The following TULP4 variants were observed in gnomAD, a reference collection of about 807,000 sequenced individuals.
TULP4 encodes the protein TUB like protein 4.
Under a neutral mutation model 129.0 loss-of-function variants are expected in TULP4, and 16 were observed. The ratio of observed to expected loss-of-function variants is 0.12; its 90% CI spans 0.08 to 0.19. The LOEUF (loss-of-function observed/expected upper bound fraction) is 0.19. Ranked by LOEUF, TULP4 falls within the 10% of genes least tolerant of loss-of-function variation. The pLI is 1.00. For synonymous variants in TULP4, 998 were observed against 854.0 expected (o/e 1.17, Z -2.94); for missense variants, 1,842 against 2,059.1 (o/e 0.89, Z 2.04).
chr6:158,348,768 G>A (rs1780382925), intron 1 of TULP4, among the ~76,000 whole-genome samples: 1 of 151,304 alleles, frequency 6.6e-6, no homozygotes, highest in Non-Finnish European at 1.5e-5. Context: ...GGGCAGCTGG[G>A]CAGAGGCGCT....
intron 3 of TULP4, among the ~76,000 whole-genome samples, chr6:158,434,902 T>G (rs1159678465): frequency 1.3e-5 from 2 of 152,196 alleles, no homozygotes; most frequent in Non-Finnish European, 2.9e-5. Context: ...AACTTCTGAA[T>G]GAAAGTTACC....
rs1229743903 is a variant in TULP4 at position 158,502,670 on chromosome 6, G to A, written c.3007G>A (p.Asp1003Asn). The A allele has an allele frequency of 3.8e-6, 6 of 1,560,558 alleles. No individual in the cohort carries two copies. Among genetic ancestry groups the A allele is most frequent in the Admixed American group, 1.7e-5 (1 of 57,162 alleles). Residue 1003 changes from aspartate (D) to asparagine (N), a missense_variant, in exon 13 of 14, where the codon GAC becomes AAC. Asp to Asn is a conservative substitution (Grantham distance 23, BLOSUM62 1). Around this residue, in one of 5 missense-constraint regions of TULP4, gnomAD observed 1,089 missense variants for 987.1 expected, o/e 1.10. Transcript: ENST00000367097. The stretch of plus-strand genomic sequence containing the variant: ...TACGCTCAAGATGGCCCAGCTGGCC[G>A]ACAGCCCGCGGGCCCCCCTGCAGCC... ...EATLKMAQLA[D>N]SPRAPLQPLA...
At chr6:158,425,378 T>G (rs1232684908) in intron 2 of TULP4, among the ~76,000 whole-genome samples, 2 of 150,984 alleles carry the variant, frequency 1.3e-5, no homozygotes, top group African/African-American at 2.4e-5. Context: ...CCAGGTATGG[T>G]AGCAGGCGCC....
At chr6:158,257,419 A>G (rs1485309701) in intron 1 of TULP4, among the ~76,000 whole-genome samples, 1 of 152,212 alleles carries the variant, frequency 6.6e-6, no homozygotes, top group Non-Finnish European at 1.5e-5. Flanking sequence ...GTGGTAAAAT[A>G]TACATAACAA....
At chr6:158,247,968 A>G (rs1562493834) in intron 1 of TULP4, among the ~76,000 whole-genome samples, 1 of 152,234 alleles carries the variant, frequency 6.6e-6, no homozygotes, top group Admixed American at 6.5e-5. Context: ...CCGGAGGCAC[A>G]AATTCAGCTC....
chr6:158,439,946 C>T (rs1056695739), intron 3 of TULP4, among the ~76,000 whole-genome samples: 5 of 151,274 alleles, frequency 3.3e-5, no homozygotes, highest in East Asian at 2.0e-4. Flanking sequence ...CTCCTGACCT[C>T]GTGATCTGCC....
chr6:158,376,193 T>G (rs1777184854), intron 1 of TULP4, among the ~76,000 whole-genome samples: 1 of 152,168 alleles, frequency 6.6e-6, no homozygotes, highest in Admixed American at 6.5e-5. Context: ...CTCAGTTACT[T>G]AAAAAAGCGG....
chr6:158,409,034 T>C (rs1778027552), intron 1 of TULP4, among the ~76,000 whole-genome samples: 1 of 152,212 alleles, frequency 6.6e-6, no homozygotes, highest in Non-Finnish European at 1.5e-5. Context: ...TTCCCTGAGA[T>C]GGCTTCTTGT....
chr6:158,253,215 T>A (rs1778176651), intron 1 of TULP4, among the ~76,000 whole-genome samples: 1 of 152,234 alleles, frequency 6.6e-6, no homozygotes, highest in African/African-American at 2.4e-5. Flanking sequence ...TTTTTAAGTC[T>A]AGGAGAGAAA....
intron 1 of TULP4, among the ~76,000 whole-genome samples, chr6:158,328,082 GTGT>G (rs1779786596): frequency 1.1e-4 from 3 of 27,618 alleles, no homozygotes; most frequent in Non-Finnish European, 2.3e-4. Flanking sequence ...CAGAGCTGGT[GTGT>G]GTGTGTGTGT....
intron 1 of TULP4, among the ~76,000 whole-genome samples, chr6:158,378,785 A>G (rs2114906518): frequency 6.6e-6 from 1 of 151,334 alleles, no homozygotes; most frequent in East Asian, 2.0e-4. Context: ...GCGCCTGGCC[A>G]GGGGAGCCAG....
chr6:158,277,939 G>T (rs1159903536), upstream of TULP4, among the ~76,000 whole-genome samples: 1 of 152,154 alleles, frequency 6.6e-6, no homozygotes, highest in Non-Finnish European at 1.5e-5. Context: ...CACTCAGAGA[G>T]CATCATATCA....
At chr6:158,412,969 T>C in intron 1 of TULP4, 96 bp from the exon 2 acceptor site, 1 of 1,476,796 alleles carries the variant, frequency 6.8e-7, no homozygotes, top group East Asian at 2.3e-5. Context: ...CTTTATTGAC[T>C]GCATTCTAAT....
At chr6:158,435,491 A>G (rs764915041) in intron 3 of TULP4, among the ~76,000 whole-genome samples, 25 of 151,444 alleles carry the variant, frequency 1.7e-4, no homozygotes, top group Non-Finnish European at 3.1e-4. Context: ...TCCTCCTCCC[A>G]TCGCTGTCAT....
intron 1 of TULP4, among the ~76,000 whole-genome samples, chr6:158,252,398 T>G (rs1364004462): frequency 5.3e-5 from 8 of 151,936 alleles, no homozygotes; most frequent in African/African-American, 1.9e-4. Context: ...CTTTTTTAGG[T>G]GGAGTCTCGC....
At chr6:158,435,617 C>G (rs1424243358) in intron 3 of TULP4, among the ~76,000 whole-genome samples, 2 of 152,146 alleles carry the variant, frequency 1.3e-5, no homozygotes, top group African/African-American at 4.8e-5. Flanking sequence ...CCTCCATTGC[C>G]ACAGCTGCAT....
intron 1 of TULP4, among the ~76,000 whole-genome samples, chr6:158,248,982 C>G (rs545262039): frequency 1.3e-5 from 2 of 149,870 alleles, no homozygotes; most frequent in Admixed American, 6.7e-5. Context: ...AAAATTAGCC[C>G]GGTGTGGTGG....
chr6:158,438,665 A>G (rs1419728675), intron 3 of TULP4, among the ~76,000 whole-genome samples: 2 of 151,820 alleles, frequency 1.3e-5, no homozygotes, highest in Non-Finnish European at 2.9e-5. Flanking sequence ...GCTCACTGCA[A>G]CCTCCATCTC....
chr6:158,446,486 CCTTT>C, intron 3 of TULP4, among the ~76,000 whole-genome samples: 1 of 152,248 alleles, frequency 6.6e-6, no homozygotes, highest in Non-Finnish European at 1.5e-5. Flanking sequence ...TTTCATCTGT[CCTTT>C]CTTCTCTAAA....
Sources: allele counts gnomAD v4.1 joint callset (sites outside exome capture counted in the v4.1 genomes callset), GRCh38; gene constraint gnomAD v4.1.1; regional missense constraint gnomAD v4.1.1; transcripts MANE v1.5; gene names NCBI Gene and HGNC (gene_info 2026-07-23, HGNC 2026-07-21).